The following FSTL5 variants were observed in gnomAD, a reference collection of about 807,000 sequenced individuals.
The protein encoded by FSTL5 is follistatin-related protein 5.
In FSTL5, 62 loss-of-function variants were observed where a neutral mutation model predicts 89.1. That is an observed-to-expected ratio of 0.70 (90% confidence interval 0.57 to 0.86). FSTL5 has a LOEUF of 0.86. FSTL5 is among the 40% of genes least tolerant of loss of function. FSTL5 has a pLI of 0.00. For synonymous variants in FSTL5, 383 were observed against 346.2 expected, an observed-to-expected ratio of 1.11 and a Z score of -1.18; for missense variants, 1,057 against 1,001.6, an observed-to-expected ratio of 1.06 and a Z score of -0.75.
In FSTL5 at chr4:161,774,037, G is replaced by A. The variant is rs555456644; in HGVS notation, c.606+1841C>T. On this transcript the variant is annotated intron_variant, in intron 5 of 15. Coordinates refer to ENST00000306100, the MANE Select transcript of FSTL5 (RefSeq NM_020116.5). ...AGCACTTTGGGAGGACGAGACTGGT[G>A]GATCACGAGGTCAGGAGATTGAGAC... Among the ~76,000 whole-genome samples the A allele has an allele frequency of 4.6e-5, 7 of 152,188 alleles. No individual in the cohort carries two copies. The South Asian group carries it at 1.5e-3, about 32-fold the overall frequency.
intron 15 of FSTL5, among the ~76,000 whole-genome samples, chr4:161,402,679 C>A (rs983967002): frequency 6.6e-6 from 1 of 152,174 alleles, no homozygotes; most frequent in African/African-American, 2.4e-5. Context: ...GCAATTGCAA[C>A]ACCTTTTATA....
At position 161,608,762 on chromosome 4, in the gene FSTL5, A is replaced by C. The variant is rs148397477; in HGVS notation, c.895-21187T>G. On this transcript the variant is annotated intron_variant, in intron 7 of 15. Transcript: ENST00000306100. ...TATATGGTGTAATAATAGAAATGTC[A>C]TATGAGAGTTTTAAATTTCACATTA... 2.3e-4 allele frequency among the ~76,000 whole-genome samples: 35 copies of C among 152,180 alleles called. No individual in the cohort carries two copies. The East Asian group carries it at 6.2e-3, about 27-fold the overall frequency.
At chr4:161,430,236 C>T (rs533227520) in intron 15 of FSTL5, among the ~76,000 whole-genome samples, 12 of 151,538 alleles carry the variant, frequency 7.9e-5, no homozygotes, top group South Asian at 2.1e-4. Flanking sequence ...AGCACATCTA[C>T]GAGATCTAGG....
At chr4:161,536,538 C>T (rs142560276) in intron 10 of FSTL5, among the ~76,000 whole-genome samples, 51 of 152,188 alleles carry the variant, frequency 3.4e-4, no homozygotes, top group Middle Eastern at 3.4e-3. Context: ...TATACTTTTC[C>T]GTAGTTGCTA....
chr4:162,015,010 CCTCA>C (rs1736876948), intron 3 of FSTL5, among the ~76,000 whole-genome samples: 1 of 152,092 alleles, frequency 6.6e-6, no homozygotes. Flanking sequence ...GATCAATTGC[CCTCA>C]CTATGTTCCT....
intron 15 of FSTL5, among the ~76,000 whole-genome samples, chr4:161,398,404 A>G (rs1731074062): frequency 6.6e-6 from 1 of 152,060 alleles, no homozygotes; most frequent in Admixed American, 6.6e-5. Flanking sequence ...AGATATAAAA[A>G]CTACTGCATA....
intron 4 of FSTL5, among the ~76,000 whole-genome samples, chr4:161,866,708 C>A (rs1466196366): frequency 2.0e-5 from 3 of 151,664 alleles, no homozygotes; most frequent in Non-Finnish European, 2.9e-5. Context: ...ATTTAGCAAT[C>A]AAATTAAAAT....
chr4:161,399,124 T>C (rs1731098233), intron 15 of FSTL5, among the ~76,000 whole-genome samples: 1 of 152,106 alleles, frequency 6.6e-6, no homozygotes, highest in Admixed American at 6.6e-5. Context: ...AAGAGATACA[T>C]GCTCAGAGGT....
chr4:161,857,665 A>T (rs1458537181), intron 4 of FSTL5, among the ~76,000 whole-genome samples: 1 of 152,118 alleles, frequency 6.6e-6, no homozygotes, highest in African/African-American at 2.4e-5. Flanking sequence ...TAATTATCAC[A>T]TCCCCACTAT....
At chr4:161,489,819 T>A (rs552619780) in intron 12 of FSTL5, among the ~76,000 whole-genome samples, 1 of 152,302 alleles carries the variant, frequency 6.6e-6, no homozygotes, top group African/African-American at 2.4e-5. Flanking sequence ...TTCCTGACAA[T>A]AGATATTCAA....
Position 161,455,143 on chromosome 4 carries a change from C to A in FSTL5, c.1717-15G>T, listed in dbSNP as rs746639397. The A allele has an allele frequency of 3.2e-6, 5 of 1,584,040 alleles. No individual in the cohort carries two copies. The East Asian group carries it at 1.1e-4, about 36-fold the overall frequency. On this transcript the variant is annotated splice_polypyrimidine_tract_variant and intron_variant, in intron 14 of 15. Coordinates refer to ENST00000306100, the MANE Select transcript of FSTL5 (RefSeq NM_020116.5). ...AGGGTAATTACCTAAAGAGAACACACCTTGGTTAGACCTCAACAATGCAGT... is the reference window on the plus strand; with the variant it reads ...AGGGTAATTACCTAAAGAGAACACAACTTGGTTAGACCTCAACAATGCAGT...
At chr4:161,638,395 C>G (rs1319328915) in intron 7 of FSTL5, among the ~76,000 whole-genome samples, 1 of 152,062 alleles carries the variant, frequency 6.6e-6, no homozygotes, top group South Asian at 2.1e-4. Flanking sequence ...AGATATACAA[C>G]CATGTCGTCT....
chr4:161,874,087 GAATATATTTA>G (rs752919186), intron 4 of FSTL5, among the ~76,000 whole-genome samples: 19 of 151,984 alleles, frequency 1.3e-4, no homozygotes, highest in Non-Finnish European at 2.2e-4. Context: ...TATTGAGTAT[GAATATATTTA>G]AATATATTAG....
intron 3 of FSTL5, among the ~76,000 whole-genome samples, chr4:161,959,644 G>A (rs1735116934): frequency 6.6e-6 from 1 of 152,076 alleles, no homozygotes; most frequent in Non-Finnish European, 1.5e-5. Context: ...TAACGTATGT[G>A]TGAGAAGTAT....
At chr4:161,391,638 A>AT (rs1730826563) in intron 15 of FSTL5, among the ~76,000 whole-genome samples, 1 of 152,216 alleles carries the variant, frequency 6.6e-6, no homozygotes, top group East Asian at 1.9e-4. Context: ...CTCAAGTACC[A>AT]GAGGATTCAG....
intron 8 of FSTL5, among the ~76,000 whole-genome samples, chr4:161,562,642 C>T (rs1365567866): frequency 1.3e-5 from 2 of 151,258 alleles, no homozygotes; most frequent in Non-Finnish European, 2.9e-5. Context: ...TTGGTCATTG[C>T]TAGTGTATGC....
chr4:161,619,217 G>T, intron 7 of FSTL5, among the ~76,000 whole-genome samples: 2 of 152,050 alleles, frequency 1.3e-5, no homozygotes, highest in Non-Finnish European at 2.9e-5. Context: ...TTAAACGTTA[G>T]ACCTAAAACC....
intron 4 of FSTL5, among the ~76,000 whole-genome samples, chr4:161,894,261 T>C (rs1733083159): frequency 6.6e-6 from 1 of 152,106 alleles, no homozygotes; most frequent in Non-Finnish European, 1.5e-5. Flanking sequence ...TACGTGATAA[T>C]GGTATTAGTC....
chr4:162,053,215 C>T (rs959405763), intron 2 of FSTL5, among the ~76,000 whole-genome samples: 68 of 151,722 alleles, frequency 4.5e-4, no homozygotes, highest in African/African-American at 1.5e-3. Context: ...TCAACTTGTG[C>T]TCTAGGTAAA....
Sources: allele counts gnomAD v4.1 joint callset (sites outside exome capture counted in the v4.1 genomes callset), GRCh38; gene constraint gnomAD v4.1.1; transcripts MANE v1.5; gene names NCBI Gene and HGNC (gene_info 2026-07-23, HGNC 2026-07-21).